TAS2R1: variants seen among roughly 807,000 people sequenced by gnomAD.
TAS2R1 encodes the protein taste 2 receptor member 1, also known as taste receptor type 2 member 1.
For synonymous variants in TAS2R1, 141 were observed against 134.2 expected, an observed-to-expected ratio of 1.05 and a Z score of -0.35; for missense variants, 370 against 353.4, an observed-to-expected ratio of 1.05 and a Z score of -0.38.
chr5:9,866,546 G>A, the TAS2R1 span, among the ~76,000 whole-genome samples: 295 of 152,102 alleles, frequency 1.9e-3, 2 homozygotes, highest in Admixed American at 9.1e-3. Flanking sequence ...CTTTTTTTCC[G>A]TCTGGGACTG....
chr5:9,712,753 C>T (rs1734713827), upstream of TAS2R1, among the ~76,000 whole-genome samples: 1 of 152,194 alleles, frequency 6.6e-6, no homozygotes, highest in Non-Finnish European at 1.5e-5. Flanking sequence ...TCTCTCCTTC[C>T]TCCATTTATT....
At chr5:9,894,651 G>A in the TAS2R1 span, among the ~76,000 whole-genome samples, 6 of 152,296 alleles carry the variant, frequency 3.9e-5, no homozygotes, top group Admixed American at 1.3e-4. Flanking sequence ...TTATGACAGC[G>A]CTAGCAAACT....
the TAS2R1 span, among the ~76,000 whole-genome samples, chr5:9,865,553 C>T: frequency 6.6e-6 from 1 of 152,178 alleles, no homozygotes; most frequent in African/African-American, 2.4e-5. Flanking sequence ...CTGAAGAACT[C>T]CCTTTGCTGT....
chr5:9,877,076 C>T, the TAS2R1 span, among the ~76,000 whole-genome samples: 1 of 152,286 alleles, frequency 6.6e-6, no homozygotes, highest in East Asian at 1.9e-4. Context: ...GAATATGAAA[C>T]CACAGTTTGC....
At chr5:9,795,723 G>T in the TAS2R1 span, among the ~76,000 whole-genome samples, 1 of 152,170 alleles carries the variant, frequency 6.6e-6, no homozygotes, top group Non-Finnish European at 1.5e-5. Flanking sequence ...GCTCTCAAGA[G>T]TTCCCAATCT....
intron 1 of TAS2R1, among the ~76,000 whole-genome samples, chr5:9,680,640 G>C (rs957298243): frequency 6.6e-6 from 1 of 152,050 alleles, no homozygotes; most frequent in South Asian, 2.1e-4. Flanking sequence ...TCCCAATAAA[G>C]GGGTATCCTA....
upstream of TAS2R1, among the ~76,000 whole-genome samples, chr5:9,715,842 C>G (rs1331605669): frequency 2.0e-5 from 3 of 152,160 alleles, no homozygotes; most frequent in Non-Finnish European, 4.4e-5. Context: ...CTTCAGTGAG[C>G]AGGGAAGGGA....
chr5:9,703,430 T>A (rs1307709356), intron 1 of TAS2R1, among the ~76,000 whole-genome samples: 1 of 151,302 alleles, frequency 6.6e-6, no homozygotes, highest in Non-Finnish European at 1.5e-5. Flanking sequence ...AGAAGGGGAG[T>A]TGTTCCAGGG....
the TAS2R1 span, among the ~76,000 whole-genome samples, chr5:9,735,722 T>A: frequency 6.6e-6 from 1 of 152,204 alleles, no homozygotes; most frequent in Non-Finnish European, 1.5e-5. Context: ...TATACTTACA[T>A]CCCTCGACTC....
intron 1 of TAS2R1, among the ~76,000 whole-genome samples, chr5:9,709,474 C>G (rs1365769975): frequency 6.6e-6 from 1 of 152,180 alleles, no homozygotes; most frequent in Non-Finnish European, 1.5e-5. Context: ...ATGACTCCTG[C>G]CTCCTTGCAT....
the TAS2R1 span, among the ~76,000 whole-genome samples, chr5:9,834,930 A>T: frequency 6.6e-6 from 1 of 152,108 alleles, no homozygotes; most frequent in Non-Finnish European, 1.5e-5. Context: ...TCATAAAACG[A>T]GCCTAATGTT....
the TAS2R1 span, among the ~76,000 whole-genome samples, chr5:9,849,031 G>A: frequency 6.6e-6 from 1 of 152,224 alleles, no homozygotes; most frequent in Non-Finnish European, 1.5e-5. Context: ...GGTCTTGGAA[G>A]GCGAGACCAG....
chr5:9,633,644 G>A (rs919313355), upstream of TAS2R1, among the ~76,000 whole-genome samples: 14 of 151,830 alleles, frequency 9.2e-5, no homozygotes, highest in African/African-American at 2.4e-4. Flanking sequence ...GGCCATTCTT[G>A]CAGGAGTAAA....
chr5:9,693,524 CAAAAAAAAAAA>C (rs35262775), intron 1 of TAS2R1, among the ~76,000 whole-genome samples: 2 of 33,028 alleles, frequency 6.1e-5, no homozygotes, highest in East Asian at 1.1e-3. Flanking sequence ...AACTCCATCT[CAAAAAAAAAAA>C]AAAAAAAAAA....
At position 9,642,610 on chromosome 5, in the gene TAS2R1, A is replaced by C. The variant is rs554685406; in HGVS notation, c.-80-12618T>G. On this transcript the variant is annotated intron_variant, in intron 2 of 2. Coordinates refer to the TAS2R1 transcript ENST00000506620. The stretch of plus-strand genomic sequence containing the variant: ...ACTAAAATTTTTGTCTTTAATATTC[A>C]GGTCACTTTCATATACTTGTCCCTT... Among the ~76,000 whole-genome samples the C allele has an allele frequency of 2.0e-5, 3 of 152,260 alleles. No homozygotes were observed. The East Asian group carries it at 5.8e-4, about 29-fold the overall frequency.
At chr5:9,748,892 C>T in the TAS2R1 span, among the ~76,000 whole-genome samples, 4 of 152,138 alleles carry the variant, frequency 2.6e-5, no homozygotes, top group South Asian at 8.3e-4. Context: ...AAATCTCTCA[C>T]TTCTGTAGCT....
At chr5:9,776,768 G>T in the TAS2R1 span, among the ~76,000 whole-genome samples, 1 of 152,142 alleles carries the variant, frequency 6.6e-6, no homozygotes, top group Non-Finnish European at 1.5e-5. Flanking sequence ...CCTTCTTACA[G>T]TCGTCTATGT....
chr5:9,691,003 C>T (rs558683795), intron 1 of TAS2R1, among the ~76,000 whole-genome samples: 5 of 152,310 alleles, frequency 3.3e-5, no homozygotes, highest in African/African-American at 9.6e-5. Flanking sequence ...GGGAGATAAA[C>T]GTGGGCGTCT....
the TAS2R1 span, among the ~76,000 whole-genome samples, chr5:9,769,274 T>C: frequency 6.6e-6 from 1 of 152,250 alleles, no homozygotes; most frequent in Non-Finnish European, 1.5e-5. Context: ...GGCTGAATAG[T>C]ACACCATTGC....
Sources: gnomAD v4.1 joint callset for allele counts (sites outside exome capture counted in the v4.1 genomes callset) on GRCh38, gnomAD v4.1.1 for gene constraint, MANE v1.5 for transcripts, NCBI Gene and HGNC (gene_info 2026-07-23, HGNC 2026-07-21) for gene names.